The following MSI2 variants were observed in gnomAD, a reference collection of about 807,000 sequenced individuals.
The protein encoded by MSI2 is musashi RNA binding protein 2, also known as RNA-binding protein Musashi homolog 2.
In MSI2, 17 loss-of-function variants were observed where a neutral mutation model predicts 45.6. That is an observed-to-expected ratio of 0.37 (90% CI 0.26 to 0.56). MSI2 has a LOEUF of 0.56. Ranked by LOEUF, MSI2 falls within the 20% of genes least tolerant of loss-of-function variation. The probability of loss-of-function intolerance (pLI) is 0.77; values close to 1 mark genes in which losing one functional copy is unlikely to be tolerated. For synonymous variants in MSI2, 156 were observed against 158.2 expected, an observed-to-expected ratio of 0.99 and a Z score of 0.11; for missense variants, 293 against 444.2, an observed-to-expected ratio of 0.66 and a Z score of 3.06.
Position 57,552,864 on chromosome 17 carries a change from C to T in MSI2, c.454+23140C>T, listed in dbSNP as rs758102458. On this transcript the variant is annotated intron_variant, in intron 7 of 13. Coordinates refer to ENST00000284073, the MANE Select transcript of MSI2 (RefSeq NM_138962.4). The surrounding 1 kb of genome is among the most constrained non-coding windows in gnomAD (Gnocchi z 4.3). ...ACATAAATATAAACAACCCGGAAAT[C>T]ACTGCCCCTAGAATTCACAGAGTGG... is the stretch of plus-strand genomic sequence containing the variant. Among the ~76,000 whole-genome samples, 1 of 152,202 alleles carries T rather than the reference C, an allele frequency of 6.6e-6. No homozygotes were observed. Among genetic ancestry groups the T allele is most frequent in the Non-Finnish European group, 1.5e-5 (1 of 68,032 alleles).
intron 6 of MSI2, among the ~76,000 whole-genome samples, chr17:57,475,841 TC>T (rs1269370996): frequency 1.3e-5 from 2 of 152,120 alleles, no homozygotes; most frequent in Non-Finnish European, 1.5e-5. Flanking sequence ...CATCAGTTGT[TC>T]CTTTTCTCCT....
At chr17:57,486,739 A>T (rs1487420964) in intron 6 of MSI2, among the ~76,000 whole-genome samples, 1 of 152,166 alleles carries the variant, frequency 6.6e-6, no homozygotes, top group Non-Finnish European at 1.5e-5. Flanking sequence ...GGGAAGGAGA[A>T]TCAGTTTGAA....
chr17:57,498,969 C>T (rs773823761), intron 6 of MSI2, among the ~76,000 whole-genome samples: 2 of 143,054 alleles, frequency 1.4e-5, no homozygotes, highest in African/African-American at 2.6e-5. Context: ...TTCCTGTGTC[C>T]AAGTGTTCTC....
At position 57,407,503 on chromosome 17, in the gene MSI2, G is replaced by A. The variant is rs1293135778; in HGVS notation, c.405+6032G>A. On this transcript the variant is annotated intron_variant, in intron 6 of 13. Coordinates refer to ENST00000284073, the MANE Select transcript of MSI2 (RefSeq NM_138962.4). The surrounding 1 kb of genome is among the most constrained non-coding windows in gnomAD (Gnocchi z 4.1). ...GTGTCGTAGATAAACAGAGCTCTGT[G>A]CAGTGTGGTTCTCTCAGAGGAGGCT... Among the ~76,000 whole-genome samples, 3 of 152,226 alleles carry A rather than the reference G, an allele frequency of 2.0e-5. No individual in the cohort carries two copies. The highest frequency in any genetic ancestry group is 7.2e-5 in the African/African-American group (3 of 41,462).
At chr17:57,357,055 CTGA>C (rs1409562602) in intron 5 of MSI2, among the ~76,000 whole-genome samples, 2 of 152,168 alleles carry the variant, frequency 1.3e-5, no homozygotes, top group Non-Finnish European at 2.9e-5. Flanking sequence ...CTTCTCGGGG[CTGA>C]TTTGTTCTCA....
At position 57,363,383 on chromosome 17, in the gene MSI2, A is replaced by G. The variant is rs1916962240; in HGVS notation, c.313-37996A>G. 1.3e-5 allele frequency among the ~76,000 whole-genome samples: 2 copies of G among 152,148 alleles called. 1 individual carries two copies. Among genetic ancestry groups the G allele is most frequent in the South Asian group, 4.1e-4 (2 of 4,828 alleles). ...TCACAAGGGGGTGGGGAGCTCTGTGACAAAAAGAGCTCTGTGACAGAAAGA... is the reference window on the plus strand; with the variant it reads ...TCACAAGGGGGTGGGGAGCTCTGTGGCAAAAAGAGCTCTGTGACAGAAAGA... On this transcript the variant is annotated intron_variant, in intron 5 of 13. Transcript: ENST00000284073.
At chr17:57,390,503 A>C (rs1033757425) in intron 5 of MSI2, among the ~76,000 whole-genome samples, 2 of 152,250 alleles carry the variant, frequency 1.3e-5, no homozygotes, top group Non-Finnish European at 2.9e-5. Context: ...TCTGCACTAC[A>C]GGAGTGTCAG....
chr17:57,270,717 G>T (rs1040243939), intron 5 of MSI2, among the ~76,000 whole-genome samples: 1 of 152,146 alleles, frequency 6.6e-6, no homozygotes, highest in Non-Finnish European at 1.5e-5. Flanking sequence ...AATGGCCTAG[G>T]GTGATAGCTG....
chr17:57,280,582 T>C lies in MSI2; in HGVS notation c.312+18390T>C, dbSNP rs1403643161. The stretch of plus-strand genomic sequence containing the variant: ...GCCCCCAACCCCCACCTCCGTGAGA[T>C]TGAGAGTGTTGGCCCATGCAGGGGA... On this transcript the variant is annotated intron_variant, in intron 5 of 13. Transcript: ENST00000284073. The surrounding 1 kb of genome is among the most constrained non-coding windows in gnomAD (Gnocchi z 4.2). Among the ~76,000 whole-genome samples, 2 of 152,014 alleles carry C rather than the reference T, an allele frequency of 1.3e-5. No homozygotes were observed. Among genetic ancestry groups the C allele is most frequent in the African/African-American group, 4.8e-5 (2 of 41,394 alleles).
intron 7 of MSI2, among the ~76,000 whole-genome samples, chr17:57,566,349 G>A (rs372800670): frequency 7.2e-5 from 11 of 152,074 alleles, no homozygotes; most frequent in Non-Finnish European, 1.0e-4. Flanking sequence ...GATAATGTAC[G>A]TTTTACATTT....
At chr17:57,616,387 A>AAG (rs1907715428) in intron 9 of MSI2, 1 of 209,370 alleles carries the variant, frequency 4.8e-6, no homozygotes, top group African/African-American at 2.3e-5. Flanking sequence ...TCCTCAAAAG[A>AAG]AGGAAAAGTC....
At chr17:57,496,709 T>A (rs1451944013) in intron 6 of MSI2, among the ~76,000 whole-genome samples, 1 of 152,182 alleles carries the variant, frequency 6.6e-6, no homozygotes, top group Non-Finnish European at 1.5e-5. Context: ...CCTCCCAGGC[T>A]CCAGTCAAGT....
At chr17:57,442,424 T>C (rs1204690002) in intron 6 of MSI2, among the ~76,000 whole-genome samples, 1 of 152,234 alleles carries the variant, frequency 6.6e-6, no homozygotes, top group Non-Finnish European at 1.5e-5. Flanking sequence ...GGGGAGTTGC[T>C]GTAAGATTCA....
intron 5 of MSI2, among the ~76,000 whole-genome samples, chr17:57,388,663 T>C (rs2083727349): frequency 6.6e-6 from 1 of 151,900 alleles, no homozygotes; most frequent in South Asian, 2.1e-4. Flanking sequence ...TTTTTTCTTT[T>C]TCTTTTTTTT....
rs549932208 is a variant in MSI2, at chr17:57,407,295, G to A, written c.405+5824G>A. Among the ~76,000 whole-genome samples, 3 of 152,250 alleles carry A rather than the reference G, an allele frequency of 2.0e-5. No homozygotes were observed. Among genetic ancestry groups the A allele is most frequent in the Admixed American group, 6.5e-5 (1 of 15,304 alleles). On this transcript the variant is annotated intron_variant, in intron 6 of 13. Coordinates refer to ENST00000284073, the MANE Select transcript of MSI2 (RefSeq NM_138962.4). This position sits in a 1 kb window ranked among gnomAD's most constrained non-coding sequence, Gnocchi z 4.1. Reference sequence around the variant, plus strand: ...GCTCCGGGGTTTTCTGTGCAGGTGCGAAGCTGCATTCATGGCCCCCACTCA... The same window carrying A: ...GCTCCGGGGTTTTCTGTGCAGGTGCAAAGCTGCATTCATGGCCCCCACTCA...
At chr17:57,438,233 C>T (rs894129502) in intron 6 of MSI2, among the ~76,000 whole-genome samples, 2 of 152,146 alleles carry the variant, frequency 1.3e-5, no homozygotes, top group Admixed American at 1.3e-4. Flanking sequence ...GGGGTCCCCA[C>T]AGCAAGCTTT....
intron 6 of MSI2, among the ~76,000 whole-genome samples, chr17:57,458,660 G>A (rs2085163855): frequency 6.6e-6 from 1 of 152,140 alleles, no homozygotes; most frequent in African/African-American, 2.4e-5. Context: ...ATGCCTCTGG[G>A]TTATCAGCAA....
chr17:57,410,067 T>C lies in MSI2; in HGVS notation c.405+8596T>C, dbSNP rs150288557. ...CAGTGCACCACAGGCCAACTTAATA[T>C]TATGATGATTCCTCCTCGTAGGGAG... is the stretch of plus-strand genomic sequence containing the variant. On this transcript the variant is annotated intron_variant, in intron 6 of 13. Coordinates refer to ENST00000284073, the MANE Select transcript of MSI2 (RefSeq NM_138962.4). 1.0e-3 allele frequency among the ~76,000 whole-genome samples: 151 copies of C among 147,524 alleles called. 1 individual carries two copies. Among genetic ancestry groups the C allele is most frequent in the Admixed American group, 2.3e-3 (33 of 14,642 alleles).
At chr17:57,445,049 G>GT (rs2084871244) in intron 6 of MSI2, among the ~76,000 whole-genome samples, 2 of 152,136 alleles carry the variant, frequency 1.3e-5, no homozygotes, top group African/African-American at 4.8e-5. Flanking sequence ...ATATCTGGGC[G>GT]TTTTTCATAG....
Sources: gnomAD v4.1 joint callset for allele counts (sites outside exome capture counted in the v4.1 genomes callset) on GRCh38, gnomAD v4.1.1 for gene constraint, Gnocchi (gnomAD v3.1) non-coding constraint, MANE v1.5 for transcripts, NCBI Gene and HGNC (gene_info 2026-07-23, HGNC 2026-07-21) for gene names.